MTCL2: variants seen among roughly 807,000 people sequenced by gnomAD.
MTCL2 encodes microtubule cross-linking factor 2.
chr20:36,792,013 G>C, the MTCL2 span, among the ~76,000 whole-genome samples: 1 of 152,218 alleles, frequency 6.6e-6, no homozygotes, highest in Non-Finnish European at 1.5e-5. Context: ...GATAGCAGGA[G>C]TGGGGTGTGA....
chr20:36,815,106 C>T, the MTCL2 span: 1 of 1,539,076 alleles, frequency 6.5e-7, no homozygotes, highest in East Asian at 2.3e-5. This position sits in a 1 kb window ranked among gnomAD's most constrained non-coding sequence, Gnocchi z 5.3. Flanking sequence ...ATAATAGGAT[C>T]TGTGCATGAG....
chr20:36,810,242 C>T, the MTCL2 span: 8 of 1,066,994 alleles, frequency 7.5e-6, no homozygotes, highest in Non-Finnish European at 1.1e-5. Context: ...ACAAATCAGG[C>T]AGAATGACTG....
At chr20:36,801,056 T>G in the MTCL2 span, among the ~76,000 whole-genome samples, 1 of 152,204 alleles carries the variant, frequency 6.6e-6, no homozygotes, top group African/African-American at 2.4e-5. Flanking sequence ...TTTTCTTTTT[T>G]TAGATACGAA....
chr20:36,857,872 C>T, the MTCL2 span, among the ~76,000 whole-genome samples: 3 of 152,180 alleles, frequency 2.0e-5, no homozygotes, highest in Non-Finnish European at 4.4e-5. Context: ...TCACTGTGCA[C>T]TCCATCTGCG....
At chr20:36,862,825 CG>C in the MTCL2 span, 1 of 1,329,018 alleles carries the variant, frequency 7.5e-7, no homozygotes, top group Non-Finnish European at 9.6e-7. Context: ...TCCGGGGAGG[CG>C]GGCGGCCGCG....
At chr20:36,798,743 C>G in the MTCL2 span, among the ~76,000 whole-genome samples, 1 of 152,130 alleles carries the variant, frequency 6.6e-6, no homozygotes, top group Non-Finnish European at 1.5e-5. Flanking sequence ...GCATATCTTA[C>G]GTGGTTTCTT....
At chr20:36,831,647 G>A in the MTCL2 span, among the ~76,000 whole-genome samples, 1 of 152,188 alleles carries the variant, frequency 6.6e-6, no homozygotes, top group Non-Finnish European at 1.5e-5. Flanking sequence ...GCCACTGCCT[G>A]TTTCTGCCCG....
At chr20:36,791,036 A>T in the MTCL2 span, among the ~76,000 whole-genome samples, 2 of 147,832 alleles carry the variant, frequency 1.4e-5, no homozygotes, top group Non-Finnish European at 3.0e-5. Context: ...AAACATTTAT[A>T]TTTTTTTTTT....
chr20:36,800,720 T>C, the MTCL2 span, among the ~76,000 whole-genome samples: 2 of 152,174 alleles, frequency 1.3e-5, no homozygotes, highest in Admixed American at 1.3e-4. Context: ...ATGCTCACCT[T>C]CAGTAGAAGT....
the MTCL2 span, among the ~76,000 whole-genome samples, chr20:36,817,956 C>T: frequency 6.6e-6 from 1 of 152,222 alleles, no homozygotes; most frequent in African/African-American, 2.4e-5. Context: ...GTACCTCTCC[C>T]AGCGACAGCC....
chr20:36,793,708 G>A, the MTCL2 span: 7 of 1,546,606 alleles, frequency 4.5e-6, no homozygotes, highest in East Asian at 1.5e-4. This position sits in a 1 kb window ranked among gnomAD's most constrained non-coding sequence, Gnocchi z 6.8. Context: ...TCCACAGGCT[G>A]CGGTCCTTGC....
At chr20:36,863,339 C>G in the MTCL2 span, 1 of 1,173,568 alleles carries the variant, frequency 8.5e-7, no homozygotes, top group African/African-American at 1.6e-5. The surrounding 1 kb of genome is among the most constrained non-coding windows in gnomAD (Gnocchi z 6.2). Flanking sequence ...CCGCCGGCGC[C>G]TCCATCGCGG....
chr20:36,844,240 A>AAAAAT, the MTCL2 span, among the ~76,000 whole-genome samples: 41 of 151,676 alleles, frequency 2.7e-4, no homozygotes, highest in East Asian at 5.8e-4. Flanking sequence ...TGTCTCAGAA[A>AAAAAT]AAAATAAAAT....
chr20:36,835,826 A>ACACACCCGCTCCC, the MTCL2 span, among the ~76,000 whole-genome samples: 6 of 152,110 alleles, frequency 3.9e-5, no homozygotes, highest in Non-Finnish European at 5.9e-5. Context: ...CCGGAGAGCC[A>ACACACCCGCTCCC]CACACCCGCT....
At chr20:36,823,637 C>T in the MTCL2 span, among the ~76,000 whole-genome samples, 5 of 152,196 alleles carry the variant, frequency 3.3e-5, no homozygotes, top group South Asian at 4.2e-4. Flanking sequence ...TGAGAGACCC[C>T]ATCTCTTTCA....
chr20:36,815,687 G>T, the MTCL2 span: 1 of 1,606,150 alleles, frequency 6.2e-7, no homozygotes. The surrounding 1 kb of genome is among the most constrained non-coding windows in gnomAD (Gnocchi z 5.3). Flanking sequence ...TCTTGACCTT[G>T]CCGCTGAGCT....
the MTCL2 span, among the ~76,000 whole-genome samples, chr20:36,808,260 G>A: frequency 6.6e-6 from 1 of 151,548 alleles, no homozygotes; most frequent in Admixed American, 6.6e-5. Context: ...GGAGGCTGAG[G>A]CAGGAGAATT....
the MTCL2 span, among the ~76,000 whole-genome samples, chr20:36,858,164 G>A: frequency 5.3e-5 from 8 of 152,188 alleles, no homozygotes; most frequent in African/African-American, 1.9e-4. Flanking sequence ...AACCTGGGTT[G>A]GAATCCTGGC....
At chr20:36,785,099 G>T in the MTCL2 span, 1 of 985,422 alleles carries the variant, frequency 1.0e-6, no homozygotes, top group East Asian at 1.1e-4. Context: ...TAGACTGACC[G>T]CTGGGGCTGG....
Sources: gnomAD v4.1 joint callset for allele counts (sites outside exome capture counted in the v4.1 genomes callset) on GRCh38, gnomAD v4.1.1 for gene constraint, Gnocchi (gnomAD v3.1) non-coding constraint, MANE v1.5 for transcripts, NCBI Gene and HGNC (gene_info 2026-07-23, HGNC 2026-07-21) for gene names.